The following CSTPP1 variants were observed in gnomAD, a reference collection of about 807,000 sequenced individuals.
The protein encoded by CSTPP1 is centriolar satellite-associated tubulin polyglutamylase complex regulator 1.
At chr11:47,020,647 A>AT in the CSTPP1 span, among the ~76,000 whole-genome samples, 1 of 152,230 alleles carries the variant, frequency 6.6e-6, no homozygotes, top group Non-Finnish European at 1.5e-5. Context: ...GGGATTCAGA[A>AT]TTTAGTCATA....
chr11:47,157,545 T>C, the CSTPP1 span, among the ~76,000 whole-genome samples: 2 of 152,198 alleles, frequency 1.3e-5, no homozygotes, highest in Non-Finnish European at 2.9e-5. Context: ...TAAGCTGTCC[T>C]GTGTGGCACA....
the CSTPP1 span, chr11:47,161,734 G>T: frequency 4.7e-6 from 7 of 1,474,834 alleles, no homozygotes; most frequent in Non-Finnish European, 6.3e-6. Context: ...TTGCTGTGCT[G>T]CCCTCTGCTG....
At chr11:47,082,537 T>G in the CSTPP1 span, among the ~76,000 whole-genome samples, 1 of 152,194 alleles carries the variant, frequency 6.6e-6, no homozygotes, top group Non-Finnish European at 1.5e-5. Flanking sequence ...AAAAATTATT[T>G]TTAATAACTA....
chr11:46,987,356 G>T, the CSTPP1 span: 2 of 1,497,504 alleles, frequency 1.3e-6, no homozygotes, highest in South Asian at 1.1e-5. Context: ...CAGAGGAGGC[G>T]CTTGGAAGCA....
the CSTPP1 span, among the ~76,000 whole-genome samples, chr11:47,009,237 T>C: frequency 6.6e-6 from 1 of 152,208 alleles, no homozygotes; most frequent in Non-Finnish European, 1.5e-5. Flanking sequence ...TTGTCTTTAA[T>C]AATTTATCCA....
the CSTPP1 span, chr11:47,157,682 C>T: frequency 5.0e-6 from 3 of 603,722 alleles, no homozygotes; most frequent in East Asian, 4.1e-5. Context: ...AAGGCCTGAT[C>T]CCCCAGGGCC....
At chr11:46,936,825 T>A in the CSTPP1 span, 1 of 1,606,396 alleles carries the variant, frequency 6.2e-7, no homozygotes, top group Non-Finnish European at 8.5e-7. Context: ...CCGGAGCGCC[T>A]AGCCCTACCG....
chr11:47,148,689 A>C, the CSTPP1 span, among the ~76,000 whole-genome samples: 1 of 152,126 alleles, frequency 6.6e-6, no homozygotes, highest in Non-Finnish European at 1.5e-5. Flanking sequence ...GAATATACTT[A>C]CTGATTACAG....
the CSTPP1 span, among the ~76,000 whole-genome samples, chr11:47,106,730 C>T: frequency 1.3e-5 from 2 of 152,122 alleles, no homozygotes; most frequent in Admixed American, 1.3e-4. Flanking sequence ...GCAAAATGCC[C>T]AGGAATGTTT....
the CSTPP1 span, among the ~76,000 whole-genome samples, chr11:47,058,878 T>G: frequency 2.0e-5 from 3 of 152,102 alleles, no homozygotes; most frequent in Admixed American, 1.3e-4. Flanking sequence ...AATGAGTAAG[T>G]GACAATACTT....
At chr11:46,978,959 T>A in the CSTPP1 span, among the ~76,000 whole-genome samples, 1 of 152,254 alleles carries the variant, frequency 6.6e-6, no homozygotes, top group African/African-American at 2.4e-5. Context: ...GTAATATTTT[T>A]AATGTAAAAT....
the CSTPP1 span, among the ~76,000 whole-genome samples, chr11:47,017,544 C>G: frequency 6.6e-6 from 1 of 152,116 alleles, no homozygotes; most frequent in East Asian, 1.9e-4. Flanking sequence ...CATACTATCC[C>G]TTTATAATCA....
chr11:47,062,076 T>G, the CSTPP1 span, among the ~76,000 whole-genome samples: 2 of 152,294 alleles, frequency 1.3e-5, no homozygotes, highest in Non-Finnish European at 2.9e-5. Flanking sequence ...AGAAGCCTTC[T>G]CTGTGACTCC....
At chr11:46,978,367 G>A in the CSTPP1 span, among the ~76,000 whole-genome samples, 1 of 152,198 alleles carries the variant, frequency 6.6e-6, no homozygotes, top group African/African-American at 2.4e-5. Flanking sequence ...TTTGAGTTGG[G>A]CCTGGCAGAA....
chr11:46,994,970 C>T, the CSTPP1 span, among the ~76,000 whole-genome samples: 1 of 151,594 alleles, frequency 6.6e-6, no homozygotes, highest in Non-Finnish European at 1.5e-5. Context: ...TATTGGTCTA[C>T]TCAGGGATTC....
chr11:47,107,997 A>G, the CSTPP1 span, among the ~76,000 whole-genome samples: 1 of 152,246 alleles, frequency 6.6e-6, no homozygotes, highest in African/African-American at 2.4e-5. Flanking sequence ...GCATGTGCGC[A>G]CACACACACA....
the CSTPP1 span, among the ~76,000 whole-genome samples, chr11:47,066,101 T>TGTG: frequency 2.7e-4 from 36 of 133,910 alleles, no homozygotes; most frequent in Admixed American, 1.1e-3. Context: ...GGGTTTTTTT[T>TGTG]TTTTTTTTTT....
At chr11:46,969,468 C>G in the CSTPP1 span, among the ~76,000 whole-genome samples, 1 of 152,040 alleles carries the variant, frequency 6.6e-6, no homozygotes, top group African/African-American at 2.4e-5. Context: ...AAAGCTGAAC[C>G]TATGTATACC....
At chr11:47,092,431 T>C in the CSTPP1 span, among the ~76,000 whole-genome samples, 81 of 152,200 alleles carry the variant, frequency 5.3e-4, no homozygotes, top group Non-Finnish European at 9.6e-4. Flanking sequence ...CACCACTCTT[T>C]ATTTGGAGAT....
Sources: allele counts gnomAD v4.1 joint callset (sites outside exome capture counted in the v4.1 genomes callset), GRCh38; gene constraint gnomAD v4.1.1; transcripts MANE v1.5; gene names NCBI Gene and HGNC (gene_info 2026-07-23, HGNC 2026-07-21).